LMBR1: variants seen among roughly 807,000 people sequenced by gnomAD.
The protein encoded by LMBR1 is limb region 1 protein homolog.
Under a neutral mutation model 73.9 loss-of-function variants are expected in LMBR1, and 52 were observed. The ratio of observed to expected loss-of-function variants is 0.70; its 90% CI spans 0.56 to 0.89. The LOEUF (loss-of-function observed/expected upper bound fraction) is 0.89, where lower values mean the gene tolerates loss of function less well. Ranked by LOEUF, LMBR1 falls within the 40% of genes least tolerant of loss-of-function variation. The pLI is 0.00. For missense variants in LMBR1, 539 were observed against 579.8 expected (o/e 0.93, Z 0.72); for synonymous variants, 215 against 209.4 (o/e 1.03, Z -0.23).
At chr7:156,873,230 T>A (rs1799598860) in intron 1 of LMBR1, among the ~76,000 whole-genome samples, 1 of 152,040 alleles carries the variant, frequency 6.6e-6, no homozygotes. Flanking sequence ...TCTCGCTGGC[T>A]CAGGAGTGAA....
Position 156,874,853 on chromosome 7 carries a change from G to C in LMBR1, c.66+18075C>G, listed in dbSNP as rs957147175. Among the ~76,000 whole-genome samples, 4 of 152,200 alleles carry C rather than the reference G, an allele frequency of 2.6e-5. No individual in the cohort carries two copies. In the East Asian group the frequency reaches 5.8e-4, roughly 22 times the overall value. On this transcript the variant is annotated intron_variant, in intron 1 of 16. Transcript: ENST00000353442. ...AGCCTACCCAAATGAAAAGGAACCA[G>C]AAAAACAATTCCATTAATACGACAA...
At chr7:156,808,170 TTCTATATGTTCTA>T (rs1282821293) in intron 4 of LMBR1, among the ~76,000 whole-genome samples, 2 of 152,178 alleles carry the variant, frequency 1.3e-5, no homozygotes, top group Non-Finnish European at 2.9e-5. Context: ...TGATTTTTTC[TTCTATATGTTCTA>T]TCAATTATTG....
At chr7:156,762,869 GTGTC>G (rs1294468412) in intron 7 of LMBR1, among the ~76,000 whole-genome samples, 5 of 151,440 alleles carry the variant, frequency 3.3e-5, no homozygotes, top group Admixed American at 6.6e-5. Context: ...GTGTGTGTGT[GTGTC>G]TGTCCGTCTG....
intron 15 of LMBR1, among the ~76,000 whole-genome samples, chr7:156,723,197 T>C (rs899882348): frequency 2.0e-5 from 3 of 152,134 alleles, no homozygotes; most frequent in Non-Finnish European, 4.4e-5. Flanking sequence ...GTAAGAATTA[T>C]GAAGATAACT....
chr7:156,719,441 T>A (rs1377840029), intron 15 of LMBR1, among the ~76,000 whole-genome samples: 1 of 151,928 alleles, frequency 6.6e-6, no homozygotes, highest in African/African-American at 2.4e-5. Flanking sequence ...GCAATAAACA[T>A]TGAAATAAAA....
chr7:156,732,869 C>T (rs978319156), intron 10 of LMBR1, among the ~76,000 whole-genome samples: 1 of 152,160 alleles, frequency 6.6e-6, no homozygotes, highest in African/African-American at 2.4e-5. Flanking sequence ...AGTGGCCAGG[C>T]ATCGTGGCTC....
chr7:156,879,430 C>T (rs1221195048), intron 1 of LMBR1, among the ~76,000 whole-genome samples: 4 of 152,046 alleles, frequency 2.6e-5, no homozygotes, highest in African/African-American at 4.8e-5. Flanking sequence ...TTTGGGAGGC[C>T]GAGGCGAGCA....
Position 156,744,305 on chromosome 7 carries a change from C to T in LMBR1, c.758-10048G>A, listed in dbSNP as rs80344818. ...GAAGCTTGATGTTGATCTCTCTCTT[C>T]TTTGTCTGGAATTTTTCTATGTGAA... On this transcript the variant is annotated intron_variant, in intron 9 of 16. Transcript: ENST00000353442. Among the ~76,000 whole-genome samples the T allele has an allele frequency of 8.5e-3, 1,278 of 150,716 alleles. 16 individuals carry two copies. The highest frequency in any genetic ancestry group is 0.013 in the Non-Finnish European group (906 of 67,724).
At chr7:156,826,963 G>A (rs181050482) in intron 3 of LMBR1, among the ~76,000 whole-genome samples, 1 of 152,250 alleles carries the variant, frequency 6.6e-6, no homozygotes, top group African/African-American at 2.4e-5. Context: ...AGGTCAGTAA[G>A]TCTAACAAAT....
intron 1 of LMBR1, among the ~76,000 whole-genome samples, chr7:156,888,144 C>T (rs1338010961): frequency 1.3e-5 from 2 of 152,208 alleles, no homozygotes; most frequent in Non-Finnish European, 2.9e-5. Context: ...GGCGTGGTGG[C>T]TCACGCCTGT....
At chr7:156,741,841 A>G (rs1013323338) in intron 9 of LMBR1, among the ~76,000 whole-genome samples, 6 of 152,174 alleles carry the variant, frequency 3.9e-5, no homozygotes, top group African/African-American at 1.4e-4. Flanking sequence ...GGATATCAGA[A>G]TAAACATCCT....
At chr7:156,831,823 G>T (rs187199336) in intron 3 of LMBR1, among the ~76,000 whole-genome samples, 4 of 152,146 alleles carry the variant, frequency 2.6e-5, no homozygotes, top group Non-Finnish European at 5.9e-5. Flanking sequence ...ACGGATCTAC[G>T]AGTACACTGA....
At chr7:156,837,962 T>C (rs1335949461) in intron 1 of LMBR1, among the ~76,000 whole-genome samples, 3 of 152,054 alleles carry the variant, frequency 2.0e-5, no homozygotes, top group Non-Finnish European at 4.4e-5. Flanking sequence ...AATTCTTGTA[T>C]TTTTTGGCAA....
chr7:156,780,580 T>G (rs1021477886), intron 5 of LMBR1, among the ~76,000 whole-genome samples: 3 of 152,228 alleles, frequency 2.0e-5, no homozygotes, highest in Admixed American at 1.3e-4. Context: ...GTAAGGCTCT[T>G]TTCTTCTATT....
At chr7:156,813,835 A>G (rs2133645512) in intron 4 of LMBR1, among the ~76,000 whole-genome samples, 1 of 152,300 alleles carries the variant, frequency 6.6e-6, no homozygotes, top group Admixed American at 6.5e-5. Flanking sequence ...TTGAATCCAC[A>G]TTCAGAAAAA....
At chr7:156,674,102 A>G (rs1803252097), downstream of LMBR1, among the ~76,000 whole-genome samples, 1 of 152,160 alleles carries the variant, frequency 6.6e-6, no homozygotes, top group African/African-American at 2.4e-5. Flanking sequence ...TAACTGCTGA[A>G]TCGGCACTTC....
intron 9 of LMBR1, among the ~76,000 whole-genome samples, chr7:156,750,521 A>G (rs943240740): frequency 3.3e-5 from 5 of 152,068 alleles, no homozygotes; most frequent in African/African-American, 1.2e-4. Flanking sequence ...CTGCCTCTCA[A>G]CGTTGGTGTG....
rs1337826462 is a variant in LMBR1 at position 156,685,304 on chromosome 7, A to G, written c.1388-1141T>C. On this transcript the variant is annotated intron_variant, in intron 16 of 16. Coordinates refer to ENST00000353442, the MANE Select transcript of LMBR1 (RefSeq NM_022458.4). This position sits in a 1 kb window ranked among gnomAD's most constrained non-coding sequence, Gnocchi z 4.1. ...GAGCTTCTGTGGCACTGGAGCGTCAAGCACTTTAATAAAAATGAAACACAA... is the reference window on the plus strand; with the variant it reads ...GAGCTTCTGTGGCACTGGAGCGTCAGGCACTTTAATAAAAATGAAACACAA... 6.6e-6 allele frequency among the ~76,000 whole-genome samples: 1 copy of G among 152,240 alleles called. No homozygotes were observed. Among genetic ancestry groups the G allele is most frequent in the Non-Finnish European group, 1.5e-5 (1 of 68,042 alleles).
chr7:156,874,493 G>A (rs1799863318), intron 1 of LMBR1, among the ~76,000 whole-genome samples: 1 of 152,244 alleles, frequency 6.6e-6, no homozygotes, highest in African/African-American at 2.4e-5. Flanking sequence ...TGCCACCAAA[G>A]TGGGAGCCCA....
Sources: gnomAD v4.1 joint callset for allele counts (sites outside exome capture counted in the v4.1 genomes callset) on GRCh38, gnomAD v4.1.1 for gene constraint, Gnocchi (gnomAD v3.1) non-coding constraint, MANE v1.5 for transcripts, NCBI Gene and HGNC (gene_info 2026-07-23, HGNC 2026-07-21) for gene names.